The following GPC1 variants were observed in gnomAD, a reference collection of about 807,000 sequenced individuals.
GPC1 encodes glypican 1.
Under a neutral mutation model 51.5 loss-of-function variants are expected in GPC1, and 26 were observed. The ratio of observed to expected loss-of-function variants is 0.50; its 90% CI spans 0.37 to 0.70. The LOEUF is 0.70. Among genes scored for constraint, GPC1 ranks in the 30% least tolerant of loss-of-function variants. The pLI is 0.00. For missense variants in GPC1, 775 were observed against 800.5 expected, an observed-to-expected ratio of 0.97 and a Z score of 0.38; for synonymous variants, 380 against 348.3, an observed-to-expected ratio of 1.09 and a Z score of -1.01.
At chr2:240,438,261 C>A (rs894693194) in intron 1 of GPC1, among the ~76,000 whole-genome samples, 1 of 152,192 alleles carries the variant, frequency 6.6e-6, no homozygotes, top group Admixed American at 6.5e-5. Flanking sequence ...CCCTGCACCC[C>A]CTATGGCTGC....
intron 1 of GPC1, chr2:240,458,821 T>G: frequency 1.8e-6 from 1 of 561,806 alleles, no homozygotes; most frequent in Non-Finnish European, 3.2e-6. Context: ...TTGTGTCACG[T>G]GTGGGAAGCT....
chr2:240,445,731 T>C (rs180718694), intron 1 of GPC1, among the ~76,000 whole-genome samples: 126 of 152,302 alleles, frequency 8.3e-4, no homozygotes, highest in Non-Finnish European at 1.5e-3. Context: ...TAGCATTTTT[T>C]CTTACTCGGA....
chr2:240,464,399 CGTGGCACAGGTGCACACGTGGGTGT>C (rs2074242442), intron 4 of GPC1, 192 bp from the exon 5 acceptor site: 2 of 570,604 alleles, frequency 3.5e-6, no homozygotes, highest in East Asian at 6.1e-5. Context: ...CACCTGTGCC[CGTGGCACAGGTGCACACGTGGGTGT>C]GGGCCAAGCT....
At chr2:240,455,917 G>A (rs970133203) in intron 1 of GPC1, 1 of 331,250 alleles carries the variant, frequency 3.0e-6, no homozygotes, top group Non-Finnish European at 5.9e-6. Flanking sequence ...CCTGCAGCGG[G>A]CCTCAGGGGG....
At chr2:240,457,866 G>A (rs921246777) in intron 1 of GPC1, 10 of 350,598 alleles carry the variant, frequency 2.9e-5, no homozygotes, top group African/African-American at 2.1e-4. Context: ...AGGCCCCTGA[G>A]GCGGCAGTCC....
chr2:240,439,181 C>CT lies in GPC1; in HGVS notation c.166+3098dup, dbSNP rs532545773. ...AGCTCCCTGGTCGCTGGGACCACCT[C>CT]TAACTGTTTCCCTGTTGTAGCCACA... On this transcript the variant is annotated intron_variant, in intron 1 of 8. Coordinates refer to ENST00000264039, the MANE Select transcript of GPC1 (RefSeq NM_002081.3). Among the ~76,000 whole-genome samples, 19 of 152,246 alleles carry CT rather than the reference C, an allele frequency of 1.2e-4. 1 individual carries two copies. The South Asian group carries it at 3.7e-3, about 30-fold the overall frequency.
intron 2 of GPC1, among the ~76,000 whole-genome samples, chr2:240,459,399 C>T (rs985363753): frequency 1.3e-5 from 2 of 152,162 alleles, no homozygotes; most frequent in African/African-American, 4.8e-5. Context: ...GGTTTGACAC[C>T]CCCCTGGGAG....
rs115454847 is a variant in GPC1, at chr2:240,451,220, A to G, written c.167-7810A>G. The G allele has an allele frequency of 3.9e-3, 1,853 of 471,084 alleles. 23 individuals carry two copies. Among genetic ancestry groups the G allele is most frequent in the African/African-American group, 0.033 (1,670 of 50,138 alleles). The allele number at this position is 471,084 out of a possible 1,614,324, so 29.2% of individuals were successfully genotyped here. A position where few individuals can be genotyped will look rare whatever the true frequency, so the allele number is the denominator to read the frequency against. On this transcript the variant is annotated intron_variant, in intron 1 of 8. Coordinates refer to ENST00000264039, the MANE Select transcript of GPC1 (RefSeq NM_002081.3). ...TGGGATCCGGCCCAGCCTCAGCTGT[A>G]TGTGTGTCTCTGCCTGGTTGGCATT...
intron 1 of GPC1, among the ~76,000 whole-genome samples, chr2:240,453,518 C>G (rs951691860): frequency 1.4e-5 from 2 of 142,078 alleles, no homozygotes; most frequent in Non-Finnish European, 3.1e-5. Flanking sequence ...TCCCCCTCCC[C>G]GGGCCGTCGC....
intron 1 of GPC1, among the ~76,000 whole-genome samples, chr2:240,447,721 G>A (rs943014484): frequency 6.6e-6 from 1 of 152,232 alleles, no homozygotes; most frequent in African/African-American, 2.4e-5. Context: ...CACAGTCGCT[G>A]TGTACCCTGG....
At chr2:240,456,448 G>T in intron 1 of GPC1, 1 of 381,868 alleles carries the variant, frequency 2.6e-6, no homozygotes, top group South Asian at 2.0e-5. Flanking sequence ...CAGCTCACTC[G>T]GTTCCTGTGG....
chr2:240,459,212 G>A (rs755920126), intron 2 of GPC1, 24 bp downstream of exon 2: 18 of 1,600,740 alleles, frequency 1.1e-5, no homozygotes, highest in African/African-American at 6.7e-5. Context: ...ACGGGCGCTC[G>A]GGGCCCGCAG....
intron 1 of GPC1, among the ~76,000 whole-genome samples, chr2:240,446,590 C>G (rs1038980837): frequency 9.9e-5 from 15 of 152,198 alleles, no homozygotes; most frequent in African/African-American, 3.6e-4. Flanking sequence ...GGGGACTGGC[C>G]CAGGGCTCCC....
Position 240,436,052 on chromosome 2 carries a change from G to C in GPC1, c.134G>C (p.Ser45Thr). ...CAGATCTACGGAGCCAAGGGCTTCA[G>C]CCTGAGCGACGTGCCCCAGGCGGAG... ...VRQIYGAKGF[S>T]LSDVPQAEIS... The change falls in exon 1 of 9, where the codon AGC becomes ACC. Residue 45 changes from serine to threonine, a missense_variant. Physicochemically the swap from Ser to Thr is moderately conservative, Grantham distance 58. Coordinates refer to ENST00000264039, the MANE Select transcript of GPC1 (RefSeq NM_002081.3). 7.4e-7 allele frequency: 1 copy of C among 1,342,546 alleles called. No individual in the cohort carries two copies. Among genetic ancestry groups the C allele is most frequent in the Non-Finnish European group, 9.6e-7 (1 of 1,044,422 alleles). The allele number at this position is 1,342,546 out of a possible 1,614,324, so 83.2% of individuals were successfully genotyped here. A position where few individuals can be genotyped will look rare whatever the true frequency, so the allele number is the denominator to read the frequency against.
intron 1 of GPC1, 108 bp from the exon 2 acceptor site, chr2:240,458,922 C>A: frequency 9.7e-7 from 1 of 1,035,390 alleles, no homozygotes; most frequent in Non-Finnish European, 1.4e-6. Flanking sequence ...CACCCCTGAG[C>A]TGTGCTCCAC....
In GPC1 at chr2:240,462,382, C is replaced by T. The variant is rs149353022; in HGVS notation, c.517C>T (p.Arg173Cys). Residue 173 changes from arginine (R) to cysteine (C), a missense_variant, in exon 3 of 9, where the codon CGC becomes TGC. By Grantham distance (180) the Arg-to-Cys change is radical (BLOSUM62 -3). Transcript: ENST00000264039. ...CGAGTTCTGGGCCCGCCTGCTCGAGCGCCTCTTCAAGCAGCTGCACCCCCA... is the reference window on the plus strand; with the variant it reads ...CGAGTTCTGGGCCCGCCTGCTCGAGTGCCTCTTCAAGCAGCTGCACCCCCA... ...LAEFWARLLE[R>C]LFKQLHPQLL... 7.1e-4 allele frequency: 1,128 copies of T among 1,594,180 alleles called. No individual in the cohort carries two copies. The highest frequency in any genetic ancestry group is 9.0e-4 in the Non-Finnish European group (1,053 of 1,170,982).
chr2:240,462,831 TGGGCCAGGATGGGAAGGGCCA>T (rs1488554927), intron 3 of GPC1, among the ~76,000 whole-genome samples: 1 of 151,876 alleles, frequency 6.6e-6, no homozygotes, highest in Non-Finnish European at 1.5e-5. Flanking sequence ...AGAACCATCA[TGGGCCAGGATGGGAAGGGCCA>T]GGGGCTGGGG....
At chr2:240,453,532 C>T in intron 1 of GPC1, among the ~76,000 whole-genome samples, 1 of 138,932 alleles carries the variant, frequency 7.2e-6, no homozygotes, top group South Asian at 2.4e-4. Context: ...CCGTCGCAGC[C>T]CTTCGAGCCC....
intron 1 of GPC1, chr2:240,451,699 G>C (rs2074100886): frequency 4.8e-6 from 1 of 206,572 alleles, no homozygotes; most frequent in African/African-American, 2.4e-5. Context: ...TTCATCCCCA[G>C]TCTGAGGCCA....
Sources: allele counts gnomAD v4.1 joint callset (sites outside exome capture counted in the v4.1 genomes callset), GRCh38; gene constraint gnomAD v4.1.1; transcripts MANE v1.5; gene names NCBI Gene and HGNC (gene_info 2026-07-23, HGNC 2026-07-21).